The following NUP153 variants were observed in gnomAD, a reference collection of about 807,000 sequenced individuals.
NUP153 encodes nuclear pore complex protein Nup153.
In NUP153, 27 loss-of-function variants were observed where a neutral mutation model predicts 134.6. The ratio of observed to expected loss-of-function variants is 0.20; its 90% CI spans 0.15 to 0.28. The LOEUF (loss-of-function observed/expected upper bound fraction) is 0.28. Among genes scored for constraint, NUP153 ranks in the 10% least tolerant of loss-of-function variants. The pLI, the probability that NUP153 is intolerant of heterozygous loss-of-function variation, is 1.00. For missense variants in NUP153, 1,821 were observed against 1,731.3 expected (o/e 1.05, Z -0.92); for synonymous variants, 640 against 623.5 (o/e 1.03, Z -0.40).
rs191924504 is a variant in NUP153, at chr6:17,693,463, C to T, written c.112-4845G>A. ...CAGCACCCCTCCACTCCAGTTACAGCATTTCTTCCCTGTATTCTTCCAGTC... is the reference window on the plus strand; with the variant it reads ...CAGCACCCCTCCACTCCAGTTACAGTATTTCTTCCCTGTATTCTTCCAGTC... On this transcript the variant is annotated intron_variant, in intron 1 of 21. Coordinates refer to ENST00000262077, the MANE Select transcript of NUP153 (RefSeq NM_005124.4). Among the ~76,000 whole-genome samples the T allele has an allele frequency of 2.3e-3, 345 of 152,312 alleles. 6 individuals carry two copies. The highest frequency in any genetic ancestry group is 0.021 in the Admixed American group (318 of 15,280).
intron 20 of NUP153, 79 bp from the exon 21 acceptor site, chr6:17,616,774 G>C: frequency 7.3e-7 from 1 of 1,365,080 alleles, no homozygotes; most frequent in Non-Finnish European, 1.0e-6. Context: ...TTTTGAGACG[G>C]AGTCTCGCTC....
rs375994739 is a variant in NUP153, at chr6:17,665,052, C to A, written c.1215+187G>T. Among the ~76,000 whole-genome samples the A allele has an allele frequency of 9.3e-4, 65 of 69,666 alleles. 1 individual carries two copies. The highest frequency in any genetic ancestry group is 2.2e-3 in the South Asian group (3 of 1,368). The allele number at this position is 69,666 out of a possible 152,430, so 45.7% of individuals were successfully genotyped here. A position where few individuals can be genotyped will look rare whatever the true frequency, so the allele number is the denominator to read the frequency against. Reference sequence around the variant, plus strand: ...CTGGAGACAGAGTGAGACTCCGTCTCAAAAAAAAAAAAATTTGATCAAGGT... The same window carrying A: ...CTGGAGACAGAGTGAGACTCCGTCTAAAAAAAAAAAAAATTTGATCAAGGT... On this transcript the variant is annotated intron_variant, in intron 9 of 21. Coordinates refer to ENST00000262077, the MANE Select transcript of NUP153 (RefSeq NM_005124.4).
rs1278767739 is a variant in NUP153 at position 17,624,826 on chromosome 6, G to A, written c.3909C>T (p.Ser1303=). The part of the protein sequence containing the change: ...ATTTSSSAGS[S]FVFGTGPSAP... ...CTGAGGGTCCAGTTCCAAATACAAA[G>A]GAGGATCCTGGAGGCCCAAAGAAAC... is the stretch of plus-strand genomic sequence containing the variant. The change falls in exon 20 of 22, where the codon TCC becomes TCT. Residue 1303 remains serine, a synonymous_variant. Coordinates refer to ENST00000262077, the MANE Select transcript of NUP153 (RefSeq NM_005124.4). The A allele has an allele frequency of 6.3e-7, 1 of 1,589,398 alleles. No homozygotes were observed. Among genetic ancestry groups the A allele is most frequent in the Non-Finnish European group, 8.6e-7 (1 of 1,165,520 alleles).
At chr6:17,652,172 AAAT>A (rs1766533148) in intron 11 of NUP153, among the ~76,000 whole-genome samples, 1 of 152,172 alleles carries the variant, frequency 6.6e-6, no homozygotes, top group Non-Finnish European at 1.5e-5. Flanking sequence ...TCCCCATGAA[AAAT>A]GAATAAGAAC....
At chr6:17,630,817 G>GAGAAA (rs1193078158) in intron 17 of NUP153, among the ~76,000 whole-genome samples, 1 of 146,000 alleles carries the variant, frequency 6.8e-6, no homozygotes, top group African/African-American at 2.8e-5. Flanking sequence ...GAGGAGAGAA[G>GAGAAA]AGAAAAGAGA....
In NUP153 at chr6:17,624,844, A is replaced by G. The variant is rs775451650; in HGVS notation, c.3902-11T>C. The G allele has an allele frequency of 6.4e-7, 1 of 1,574,108 alleles. No individual in the cohort carries two copies. Among genetic ancestry groups the G allele is most frequent in the Non-Finnish European group, 8.6e-7 (1 of 1,158,044 alleles). Reference sequence around the variant, plus strand: ...ATACAAAGGAGGATCCTGGAGGCCCAAAGAAACACTTAAGTCACCATGGTG... The same window carrying G: ...ATACAAAGGAGGATCCTGGAGGCCCGAAGAAACACTTAAGTCACCATGGTG... On this transcript the variant is annotated splice_polypyrimidine_tract_variant and intron_variant, in intron 19 of 21. Coordinates refer to ENST00000262077, the MANE Select transcript of NUP153 (RefSeq NM_005124.4).
At chr6:17,700,211 T>C (rs1018389689) in intron 1 of NUP153, among the ~76,000 whole-genome samples, 3 of 151,988 alleles carry the variant, frequency 2.0e-5, no homozygotes, top group Admixed American at 6.6e-5. Context: ...AATCAAACAG[T>C]TCTATTTAAT....
chr6:17,627,485 G>A lies in NUP153; in HGVS notation c.3544+1170C>T, dbSNP rs148457514. 8.8e-4 allele frequency among the ~76,000 whole-genome samples: 134 copies of A among 152,080 alleles called. 1 individual carries two copies. The highest frequency in any genetic ancestry group is 3.4e-3 in the Middle Eastern group (1 of 294). Reference sequence around the variant, plus strand: ...ACATCTGTATTTTGCCTTTGTGTTGGTGTTTTTTTGTTGTTGTTGGGTTTT... The same window carrying A: ...ACATCTGTATTTTGCCTTTGTGTTGATGTTTTTTTGTTGTTGTTGGGTTTT... On this transcript the variant is annotated intron_variant, in intron 18 of 21. Transcript: ENST00000262077.
intron 11 of NUP153, chr6:17,651,958 G>A: frequency 1.6e-6 from 1 of 606,888 alleles, no homozygotes; most frequent in South Asian, 1.8e-5. Context: ...GGCGAGGTAT[G>A]ATGGCACATG....
chr6:17,684,910 T>C (rs73369325), intron 2 of NUP153, among the ~76,000 whole-genome samples: 4,602 of 152,306 alleles, frequency 0.03, 173 homozygotes, highest in African/African-American at 0.087. Flanking sequence ...TCATCTTATA[T>C]GGGTGTGGCT....
At chr6:17,652,382 C>T (rs1360321342) in intron 11 of NUP153, among the ~76,000 whole-genome samples, 1 of 152,028 alleles carries the variant, frequency 6.6e-6, no homozygotes, top group Non-Finnish European at 1.5e-5. Context: ...TACCCTCCCC[C>T]CCAAATATTA....
At chr6:17,648,173 C>A (rs890751995) in intron 12 of NUP153, among the ~76,000 whole-genome samples, 3 of 152,074 alleles carry the variant, frequency 2.0e-5, no homozygotes, top group African/African-American at 7.2e-5. Context: ...GAAGTGAAAG[C>A]AAGAAAGCAA....
At chr6:17,685,757 T>A (rs1016453026) in intron 2 of NUP153, among the ~76,000 whole-genome samples, 1 of 152,082 alleles carries the variant, frequency 6.6e-6, no homozygotes, top group African/African-American at 2.4e-5. Context: ...CTCTATAGAA[T>A]ACTATACTTG....
intron 11 of NUP153, among the ~76,000 whole-genome samples, chr6:17,659,277 G>C (rs920856256): frequency 9.9e-5 from 15 of 152,226 alleles, no homozygotes; most frequent in African/African-American, 3.1e-4. Flanking sequence ...AGATTTTTGT[G>C]CTATAAGAAT....
intron 5 of NUP153, 35 bp downstream of exon 5, chr6:17,674,867 GAAA>G: frequency 7.0e-7 from 1 of 1,427,684 alleles, no homozygotes. Flanking sequence ...TAAAAAAAAA[GAAA>G]AAAAAAGATC....
At chr6:17,632,615 T>C (rs1227855731) in intron 17 of NUP153, 35 bp downstream of exon 17, 2 of 1,534,860 alleles carry the variant, frequency 1.3e-6, no homozygotes, top group African/African-American at 2.8e-5. Context: ...AAAGGCGCTT[T>C]ACCATCACCT....
chr6:17,616,290 G>GGGGC, intron 21 of NUP153, 109 bp from the exon 22 acceptor site: 1 of 473,898 alleles, frequency 2.1e-6, no homozygotes, highest in Non-Finnish European at 3.9e-6. Context: ...GGTGGGGGGG[G>GGGGC]AGTAGACTCA....
At chr6:17,672,164 C>T (rs951714160) in intron 5 of NUP153, among the ~76,000 whole-genome samples, 2 of 150,412 alleles carry the variant, frequency 1.3e-5, no homozygotes, top group Admixed American at 6.6e-5. Flanking sequence ...TAAGACCTAC[C>T]GGGAAGCCTA....
At chr6:17,647,930 T>A (rs1191115878) in intron 12 of NUP153, 25 bp from the exon 13 acceptor site, 1 of 1,458,336 alleles carries the variant, frequency 6.9e-7, no homozygotes, top group Admixed American at 1.8e-5. Flanking sequence ...TATTAAGAAA[T>A]GATACAAAAA....
Sources: gnomAD v4.1 joint callset for allele counts (sites outside exome capture counted in the v4.1 genomes callset) on GRCh38, gnomAD v4.1.1 for gene constraint, MANE v1.5 for transcripts, NCBI Gene and HGNC (gene_info 2026-07-23, HGNC 2026-07-21) for gene names.